Variants in ZNF148 observed in about 807,000 individuals in gnomAD.
ZNF148 encodes zinc finger protein 148, also known as Beta-Enolase Repressor Factor-1.
A neutral mutation model predicts 67.7 loss-of-function variants in ZNF148; 7 were observed. The observed-to-expected ratio is 0.10, with a 90% CI of 0.06 to 0.19. The LOEUF is 0.19. Ranked by LOEUF, ZNF148 falls within the 10% of genes least tolerant of loss-of-function variation. The pLI, the probability that ZNF148 is intolerant of heterozygous loss-of-function variation, is 1.00. For synonymous variants in ZNF148, 333 were observed against 330.7 expected (o/e 1.01, Z -0.08); for missense variants, 583 against 947.1 (o/e 0.62, Z 5.05).
intron 4 of ZNF148, among the ~76,000 whole-genome samples, chr3:125,300,034 C>T (rs1939504016): frequency 6.6e-6 from 1 of 152,160 alleles, no homozygotes; most frequent in Non-Finnish European, 1.5e-5. Context: ...GGCAGTGGTG[C>T]CATCTCGGCT....
chr3:125,289,588 T>C (rs182520255), intron 4 of ZNF148, among the ~76,000 whole-genome samples: 39 of 152,272 alleles, frequency 2.6e-4, no homozygotes, highest in African/African-American at 9.1e-4. Flanking sequence ...TCTGAAGTGG[T>C]ATTTACTGAA....
intron 4 of ZNF148, chr3:125,311,360 T>G (rs1372905972): frequency 6.5e-6 from 1 of 152,736 alleles, no homozygotes; most frequent in Non-Finnish European, 1.5e-5. Context: ...GTATTAAAAT[T>G]TATGCTAAGA....
At chr3:125,359,637 G>A (rs1942474199) in intron 1 of ZNF148, among the ~76,000 whole-genome samples, 2 of 152,170 alleles carry the variant, frequency 1.3e-5, no homozygotes, top group East Asian at 3.8e-4. Context: ...TTTGCAAACA[G>A]AAAACATGAT....
At chr3:125,298,862 C>T (rs1939431787) in intron 4 of ZNF148, among the ~76,000 whole-genome samples, 1 of 151,768 alleles carries the variant, frequency 6.6e-6, no homozygotes, top group Admixed American at 6.6e-5. Flanking sequence ...CTCCTGACCT[C>T]GTGATCCGTC....
chr3:125,251,735 T>C (rs190399307), intron 7 of ZNF148, among the ~76,000 whole-genome samples: 1 of 152,310 alleles, frequency 6.6e-6, no homozygotes, highest in East Asian at 1.9e-4. Flanking sequence ...GTTTCCTCAG[T>C]TTTTGGTGAC....
At chr3:125,278,494 C>T (rs1938194337) in intron 6 of ZNF148, among the ~76,000 whole-genome samples, 1 of 152,124 alleles carries the variant, frequency 6.6e-6, no homozygotes, top group African/African-American at 2.4e-5. Flanking sequence ...TTCTGAAAAG[C>T]TACTTGTGAT....
At chr3:125,354,834 G>A (rs1222886607) in intron 1 of ZNF148, among the ~76,000 whole-genome samples, 1 of 152,214 alleles carries the variant, frequency 6.6e-6, no homozygotes, top group African/African-American at 2.4e-5. Context: ...ACACCATGCT[G>A]AAGAATTCAA....
chr3:125,295,811 T>C (rs551260731), intron 4 of ZNF148, among the ~76,000 whole-genome samples: 1 of 152,278 alleles, frequency 6.6e-6, no homozygotes, highest in East Asian at 1.9e-4. Flanking sequence ...AGTATCATAA[T>C]AAACTCATCT....
At chr3:125,351,379 T>TCA (rs1942146122) in intron 1 of ZNF148, among the ~76,000 whole-genome samples, 1 of 7,400 alleles carries the variant, frequency 1.4e-4, no homozygotes, top group Non-Finnish European at 2.6e-4. Context: ...ACCTTGTTTC[T>TCA]CAAAAAAAAA....
At chr3:125,346,332 C>T (rs1941940192) in intron 1 of ZNF148, among the ~76,000 whole-genome samples, 1 of 151,914 alleles carries the variant, frequency 6.6e-6, no homozygotes, top group Non-Finnish European at 1.5e-5. Context: ...CTGATAAAGG[C>T]CATCTATGAA....
chr3:125,225,967 G>C lies in ZNF148; in HGVS notation c.*6374C>G, dbSNP rs1043848059. On this transcript the variant is annotated 3_prime_UTR_variant, in exon 9 of 9. Transcript: ENST00000360647. ...AGACAACTTTCTTACAATGCATCCC[G>C]CTGGTCACAAGCTAGGGTACTGGCA... The C allele has an allele frequency of 6.6e-6, 1 of 152,230 alleles. No individual in the cohort carries two copies. Among genetic ancestry groups the C allele is most frequent in the South Asian group, 2.1e-4 (1 of 4,828 alleles). The allele number at this position is 152,230 out of a possible 1,614,324, so 9.4% of individuals were successfully genotyped here.
intron 4 of ZNF148, among the ~76,000 whole-genome samples, chr3:125,304,021 T>A (rs1182447868): frequency 6.6e-6 from 1 of 152,008 alleles, no homozygotes; most frequent in African/African-American, 2.4e-5. Flanking sequence ...TCTATATAAT[T>A]TTAAAATAAA....
At chr3:125,325,900 A>G (rs888470372) in intron 2 of ZNF148, among the ~76,000 whole-genome samples, 6 of 152,204 alleles carry the variant, frequency 3.9e-5, no homozygotes, top group Admixed American at 2.0e-4. Context: ...AGCAAACCCA[A>G]GGAGAAAAAT....
intron 7 of ZNF148, among the ~76,000 whole-genome samples, chr3:125,266,184 T>C (rs1937525221): frequency 6.6e-6 from 1 of 152,040 alleles, no homozygotes; most frequent in South Asian, 2.1e-4. Context: ...AACACAGAAA[T>C]TCTGGACAAG....
intron 7 of ZNF148, among the ~76,000 whole-genome samples, chr3:125,242,242 T>A (rs969389715): frequency 1.1e-4 from 16 of 152,336 alleles, no homozygotes; most frequent in African/African-American, 3.8e-4. Context: ...ATTTTGAGTG[T>A]TATTTAGAAA....
intron 1 of ZNF148, among the ~76,000 whole-genome samples, chr3:125,346,656 A>G (rs991909873): frequency 1.3e-5 from 2 of 152,184 alleles, no homozygotes; most frequent in Non-Finnish European, 1.5e-5. Context: ...TTTATAAGCA[A>G]CTGGCATTTC....
intron 4 of ZNF148, among the ~76,000 whole-genome samples, chr3:125,312,346 G>C (rs1940259381): frequency 1.3e-5 from 2 of 152,204 alleles, no homozygotes; most frequent in African/African-American, 2.4e-5. Flanking sequence ...CAATGGGCTA[G>C]GTAAAGCTGG....
At chr3:125,237,834 T>C (rs1936162049) in intron 7 of ZNF148, among the ~76,000 whole-genome samples, 1 of 152,094 alleles carries the variant, frequency 6.6e-6, no homozygotes, top group African/African-American at 2.4e-5. Context: ...GCCAAAACTA[T>C]CTTGAAAAAG....
At chr3:125,304,500 G>C (rs1560155386) in intron 4 of ZNF148, among the ~76,000 whole-genome samples, 3 of 152,124 alleles carry the variant, frequency 2.0e-5, no homozygotes. Flanking sequence ...GGGGTAGCAA[G>C]TACTCCTGTG....
Sources: gnomAD v4.1 joint callset for allele counts (sites outside exome capture counted in the v4.1 genomes callset) on GRCh38, gnomAD v4.1.1 for gene constraint, MANE v1.5 for transcripts, NCBI Gene and HGNC (gene_info 2026-07-23, HGNC 2026-07-21) for gene names.